Variants in BTRC observed in about 807,000 individuals in gnomAD.
The protein encoded by BTRC is beta-transducin repeat containing E3 ubiquitin protein ligase.
BTRC carries 42 observed loss-of-function variants against 85.5 expected under a neutral mutation model. That is an observed-to-expected ratio of 0.49 (90% confidence interval 0.38 to 0.64). The LOEUF is 0.64. Ranked by LOEUF, BTRC falls within the 30% of genes least tolerant of loss-of-function variation. The probability of loss-of-function intolerance (pLI) is 0.00; values close to 1 mark genes in which losing one functional copy is unlikely to be tolerated. For missense variants in BTRC, 594 were observed against 743.5 expected, an observed-to-expected ratio of 0.80 and a Z score of 2.34; for synonymous variants, 255 against 263.3, an observed-to-expected ratio of 0.97 and a Z score of 0.30.
At chr10:101,374,192 G>C (rs1305771066) in intron 1 of BTRC, among the ~76,000 whole-genome samples, 2 of 152,006 alleles carry the variant, frequency 1.3e-5, no homozygotes, top group Non-Finnish European at 2.9e-5. Context: ...GTGTAAAAGT[G>C]TTCCTATTTC....
intron 2 of BTRC, among the ~76,000 whole-genome samples, chr10:101,435,453 G>A (rs1944503555): frequency 6.6e-6 from 1 of 152,084 alleles, no homozygotes; most frequent in African/African-American, 2.4e-5. Context: ...CCATCATATA[G>A]TGTACATTCT....
chr10:101,354,054 C>T, upstream of BTRC: 1 of 1,141,646 alleles, frequency 8.8e-7, no homozygotes, highest in Non-Finnish European at 1.3e-6. Flanking sequence ...GCCCCTCAGC[C>T]TGCGCCTGAG....
chr10:101,425,470 G>A (rs1944226103), intron 1 of BTRC, among the ~76,000 whole-genome samples: 1 of 152,162 alleles, frequency 6.6e-6, no homozygotes, highest in Admixed American at 6.5e-5. Context: ...GCTGTGCAGG[G>A]CTGGATTTGT....
intron 4 of BTRC, among the ~76,000 whole-genome samples, chr10:101,507,896 A>G (rs1946582737): frequency 6.6e-6 from 1 of 152,054 alleles, no homozygotes. Flanking sequence ...GGCACTATCT[A>G]CATCAGTGGG....
chr10:101,455,356 C>T (rs1008739674), intron 2 of BTRC, among the ~76,000 whole-genome samples: 1 of 151,992 alleles, frequency 6.6e-6, no homozygotes, highest in Non-Finnish European at 1.5e-5. Flanking sequence ...TATTCTCTAG[C>T]TTTGTGCTGA....
chr10:101,379,736 TA>T lies in BTRC; in HGVS notation c.48+25509del, dbSNP rs374937153. On this transcript the variant is annotated intron_variant, in intron 1 of 14. Coordinates refer to ENST00000370187, the MANE Select transcript of BTRC (RefSeq NM_033637.4). ...AATCATTTCTTAAGTCTGAACGTTT[TA>T]TTTCCAGGAATCCATTTATATAAAA... Among the ~76,000 whole-genome samples the T allele has an allele frequency of 3.4e-3, 512 of 152,296 alleles. 1 individual carries two copies. The highest frequency in any genetic ancestry group is 0.014 in the Middle Eastern group (4 of 294).
chr10:101,504,713 C>T (rs1946475615), intron 4 of BTRC, among the ~76,000 whole-genome samples: 1 of 151,694 alleles, frequency 6.6e-6, no homozygotes, highest in Non-Finnish European at 1.5e-5. Flanking sequence ...CTTTCTCTCC[C>T]TTTGACTCTC....
intron 4 of BTRC, among the ~76,000 whole-genome samples, chr10:101,498,101 T>C (rs893887611): frequency 3.9e-5 from 6 of 152,174 alleles, no homozygotes; most frequent in Non-Finnish European, 8.8e-5. Context: ...CACACAAAAA[T>C]TCCCTAAGTT....
At chr10:101,406,764 C>G (rs1943636833) in intron 1 of BTRC, among the ~76,000 whole-genome samples, 1 of 151,250 alleles carries the variant, frequency 6.6e-6, no homozygotes, top group Non-Finnish European at 1.5e-5. Context: ...GAACTCCTGA[C>G]CTCAGGTGAT....
intron 2 of BTRC, among the ~76,000 whole-genome samples, chr10:101,454,204 G>A (rs1376214701): frequency 6.6e-6 from 1 of 152,154 alleles, no homozygotes; most frequent in African/African-American, 2.4e-5. Context: ...GTATACTTAC[G>A]TAATGTGTTA....
chr10:101,434,825 G>T (rs1338570248), intron 2 of BTRC, among the ~76,000 whole-genome samples: 2 of 150,668 alleles, frequency 1.3e-5, no homozygotes, highest in Admixed American at 1.3e-4. Context: ...GTAGAGACGG[G>T]GTTTCAGCCA....
At chr10:101,506,440 A>G (rs866450799) in intron 4 of BTRC, among the ~76,000 whole-genome samples, 3 of 152,138 alleles carry the variant, frequency 2.0e-5, no homozygotes, top group African/African-American at 7.2e-5. Context: ...TAGAGTGTTC[A>G]GTCTGATAGA....
At chr10:101,478,954 A>G (rs1380877485) in intron 3 of BTRC, among the ~76,000 whole-genome samples, 1 of 151,724 alleles carries the variant, frequency 6.6e-6, no homozygotes, top group Admixed American at 6.6e-5. Context: ...AAAAAAAAAA[A>G]AAAAAGAAAC....
chr10:101,400,340 T>G (rs1490056828), intron 1 of BTRC, among the ~76,000 whole-genome samples: 1 of 152,226 alleles, frequency 6.6e-6, no homozygotes, highest in East Asian at 1.9e-4. Context: ...TTTTCTCTAC[T>G]TCTACACAAA....
Position 101,552,770 on chromosome 10 carries a change from CCCACTTCTGTTACTGGCACCG to C in BTRC, c.*32-381_*32-361del, listed in dbSNP as rs546914612. Among the ~76,000 whole-genome samples, 8 of 152,324 alleles carry C rather than the reference CCCACTTCTGTTACTGGCACCG, an allele frequency of 5.3e-5. No homozygotes were observed. In the South Asian group the frequency reaches 1.7e-3, roughly 32 times the overall value. On this transcript the variant is annotated intron_variant, in intron 14 of 14. Transcript: ENST00000370187. Reference sequence around the variant, plus strand: ...AGCCAGGCCAGCTTTCCTTGATTCCCCCACTTCTGTTACTGGCACCGCCATGCTCATGGCCACTCAAAAGGC... The same window carrying C: ...AGCCAGGCCAGCTTTCCTTGATTCCCCCATGCTCATGGCCACTCAAAAGGC...
chr10:101,425,677 G>T (rs1944233861), intron 1 of BTRC, among the ~76,000 whole-genome samples: 1 of 150,754 alleles, frequency 6.6e-6, no homozygotes, highest in Non-Finnish European at 1.5e-5. Context: ...AGGCGTGGTG[G>T]TGCACGCCTG....
At chr10:101,436,099 TA>T (rs1469407555) in intron 2 of BTRC, among the ~76,000 whole-genome samples, 3 of 152,312 alleles carry the variant, frequency 2.0e-5, no homozygotes, top group East Asian at 3.9e-4. Context: ...AGTTTGAGGA[TA>T]TTTTTATTTT....
chr10:101,476,625 A>ATT (rs1245165290), intron 3 of BTRC, among the ~76,000 whole-genome samples: 2 of 143,378 alleles, frequency 1.4e-5, no homozygotes, highest in Non-Finnish European at 3.1e-5. Context: ...CGCCCAGTTA[A>ATT]TTTTTTTTTT....
intron 8 of BTRC, 47 bp from the exon 9 acceptor site, chr10:101,532,905 G>A (rs555724329): frequency 1.4e-6 from 2 of 1,424,888 alleles, no homozygotes; most frequent in African/African-American, 1.4e-5. Flanking sequence ...AGTCTCCACA[G>A]CACCCCATCA....
Sources: gnomAD v4.1 joint callset for allele counts (sites outside exome capture counted in the v4.1 genomes callset) on GRCh38, gnomAD v4.1.1 for gene constraint, MANE v1.5 for transcripts, NCBI Gene and HGNC (gene_info 2026-07-23, HGNC 2026-07-21) for gene names.